FRMD3: variants seen among roughly 807,000 people sequenced by gnomAD.
FRMD3 encodes the protein FERM domain-containing protein 3.
Under a neutral mutation model 70.2 loss-of-function variants are expected in FRMD3, and 33 were observed. The ratio of observed to expected loss-of-function variants is 0.47; its 90% CI spans 0.36 to 0.63. The LOEUF (loss-of-function observed/expected upper bound fraction) is 0.63. Ranked by LOEUF, FRMD3 falls within the 20% of genes least tolerant of loss-of-function variation. FRMD3 has a pLI of 0.00. For missense variants in FRMD3, 632 were observed against 711.4 expected (o/e 0.89, Z 1.27); for synonymous variants, 279 against 255.9 (o/e 1.09, Z -0.86).
At chr9:83,417,345 T>C (rs1344432635) in intron 1 of FRMD3, among the ~76,000 whole-genome samples, 4 of 152,212 alleles carry the variant, frequency 2.6e-5, no homozygotes, top group African/African-American at 9.6e-5. Flanking sequence ...GGAGCTTATA[T>C]TCTAATGTAA....
At chr9:83,447,564 G>GT (rs77300978) in intron 1 of FRMD3, among the ~76,000 whole-genome samples, 14,735 of 152,288 alleles carry the variant, frequency 0.097, 796 homozygotes, top group East Asian at 0.15. Context: ...CATGGGGGCA[G>GT]TGAGGGGACC....
At chr9:83,279,201 G>A (rs1168799403) in intron 13 of FRMD3, 1 of 152,156 alleles carries the variant, frequency 6.6e-6, no homozygotes, top group East Asian at 1.9e-4. Flanking sequence ...GGAGATATGA[G>A]GATTTTGAAA....
chr9:83,539,359 A>G (rs114991289), upstream of FRMD3, among the ~76,000 whole-genome samples: 716 of 152,272 alleles, frequency 4.7e-3, 11 homozygotes, highest in African/African-American at 0.017. Context: ...AGTGGCCAGG[A>G]GCAGCTGTTG....
chr9:83,304,038 C>T (rs1445462123), intron 10 of FRMD3, among the ~76,000 whole-genome samples: 1 of 152,148 alleles, frequency 6.6e-6, no homozygotes, highest in Non-Finnish European at 1.5e-5. Flanking sequence ...ATACTGTTTC[C>T]AAGGCTCATC....
At chr9:83,255,448 G>A (rs1832658539) in intron 13 of FRMD3, among the ~76,000 whole-genome samples, 1 of 152,062 alleles carries the variant, frequency 6.6e-6, no homozygotes, top group Non-Finnish European at 1.5e-5. Context: ...AAAGCTGGAA[G>A]CATTCCCCCT....
intron 1 of FRMD3, among the ~76,000 whole-genome samples, chr9:83,495,106 C>G (rs1345696625): frequency 6.6e-6 from 1 of 152,174 alleles, no homozygotes; most frequent in Non-Finnish European, 1.5e-5. Flanking sequence ...AAAACTCCCT[C>G]TACATTTATC....
intron 1 of FRMD3, among the ~76,000 whole-genome samples, chr9:83,437,099 G>A (rs2131386508): frequency 6.6e-6 from 1 of 152,340 alleles, no homozygotes; most frequent in East Asian, 1.9e-4. Context: ...AGGTGACACG[G>A]AGTCTTGTCT....
At chr9:83,503,403 T>C (rs1829116184) in intron 1 of FRMD3, among the ~76,000 whole-genome samples, 1 of 152,194 alleles carries the variant, frequency 6.6e-6, no homozygotes, top group Non-Finnish European at 1.5e-5. Flanking sequence ...TGGTGACCTC[T>C]AGAAGCTGAC....
At chr9:83,314,571 C>G (rs533381141) in intron 6 of FRMD3, among the ~76,000 whole-genome samples, 2 of 151,658 alleles carry the variant, frequency 1.3e-5, no homozygotes, top group South Asian at 2.1e-4. Context: ...GACGGATTGT[C>G]CCCCCACCCC....
chr9:83,452,742 A>C (rs1239445238), intron 1 of FRMD3, among the ~76,000 whole-genome samples: 3 of 151,946 alleles, frequency 2.0e-5, no homozygotes, highest in African/African-American at 7.3e-5. Flanking sequence ...TCGGCCTCCC[A>C]AAGTGCTAGG....
chr9:83,292,006 C>T (rs1328422655), intron 12 of FRMD3, among the ~76,000 whole-genome samples: 1 of 152,114 alleles, frequency 6.6e-6, no homozygotes. Context: ...TCCTTTTCTT[C>T]ATTATTTCAT....
chr9:83,298,777 C>G lies in FRMD3; in HGVS notation c.1041G>C (p.Lys347Asn). ...VAKEVVEASS[K>N]IQREPPEVHR... The stretch of plus-strand genomic sequence containing the variant: ...GCACCTCAGGAGGCTCCCTCTGGAT[C>G]TTGGAACTGGCCTCCACCACCTCTT... The change falls in exon 12 of 14, where the codon AAG becomes AAC. Residue 347 changes from lysine to asparagine, a missense_variant. Lys to Asn is a moderately conservative substitution (Grantham distance 94, BLOSUM62 0). This residue lies in a region of FRMD3 where 418 missense variants were observed against 442.1 expected (regional missense o/e 0.95). Transcript: ENST00000304195. The G allele has an allele frequency of 1.9e-6, 3 of 1,614,252 alleles. No homozygotes were observed. Among genetic ancestry groups the G allele is most frequent in the South Asian group, 2.2e-5 (2 of 91,088 alleles).
upstream of FRMD3, among the ~76,000 whole-genome samples, chr9:83,540,855 A>C (rs1316193032): frequency 6.6e-6 from 1 of 152,246 alleles, no homozygotes; most frequent in Non-Finnish European, 1.5e-5. Context: ...CTGAAAAACC[A>C]AATTCACAAT....
At chr9:83,529,955 T>C (rs1829761139) in intron 1 of FRMD3, among the ~76,000 whole-genome samples, 1 of 152,108 alleles carries the variant, frequency 6.6e-6, no homozygotes, top group African/African-American at 2.4e-5. Flanking sequence ...CACACCCACT[T>C]AGGATGGTTA....
At chr9:83,532,856 T>C (rs373270698) in intron 1 of FRMD3, among the ~76,000 whole-genome samples, 281 of 152,356 alleles carry the variant, frequency 1.8e-3, no homozygotes, top group Non-Finnish European at 3.4e-3. Flanking sequence ...ATACCTCTTC[T>C]TGGACAGTGG....
rs373819528 is a variant in FRMD3, at chr9:83,335,596, G to A, written c.516C>T (p.Tyr172=). The A allele has an allele frequency of 6.6e-5, 107 of 1,612,696 alleles. 1 individual carries two copies. Among genetic ancestry groups the A allele is most frequent in the East Asian group, 5.6e-4 (25 of 44,872 alleles). ...TGGGGAAAATCTCAAACTCACTGAT[G>A]TAATTCTCAGGATGCTCATCAGGAT... ...DYDPDEHPEN[Y]ISEFEIFPKQ... The change falls in exon 6 of 14, where the codon TAC becomes TAT. Residue 172 remains tyrosine, a synonymous_variant. Transcript: ENST00000304195.
At chr9:83,443,781 T>C (rs1211114909) in intron 1 of FRMD3, among the ~76,000 whole-genome samples, 2 of 152,178 alleles carry the variant, frequency 1.3e-5, no homozygotes, top group Non-Finnish European at 2.9e-5. Flanking sequence ...CTCCTATTTC[T>C]CCACATCCTC....
rs558120755 is a variant in FRMD3 at position 83,293,398 on chromosome 9, T to C, written c.1071-2671A>G. The stretch of plus-strand genomic sequence containing the variant: ...CATCCATCCATTCTTGCACGTGCAG[T>C]TCTGAATTGCTCTACTCCACCTCTG... On this transcript the variant is annotated intron_variant, in intron 12 of 13. Coordinates refer to ENST00000304195, the MANE Select transcript of FRMD3 (RefSeq NM_174938.6). Among the ~76,000 whole-genome samples, 6 of 152,296 alleles carry C rather than the reference T, an allele frequency of 3.9e-5. No individual in the cohort carries two copies. In the South Asian group the frequency reaches 1.2e-3, roughly 32 times the overall value.
chr9:83,447,562 C>CA (rs1587861730), intron 1 of FRMD3, among the ~76,000 whole-genome samples: 1 of 150,032 alleles, frequency 6.7e-6, no homozygotes, highest in Admixed American at 6.7e-5. Flanking sequence ...GTCATGGGGG[C>CA]AGTGAGGGGA....
Sources: gnomAD v4.1 joint callset for allele counts (sites outside exome capture counted in the v4.1 genomes callset) on GRCh38, gnomAD v4.1.1 for gene constraint, gnomAD v4.1.1 regional missense constraint, MANE v1.5 for transcripts, NCBI Gene and HGNC (gene_info 2026-07-23, HGNC 2026-07-21) for gene names.